DIS3L2: variants seen among roughly 807,000 people sequenced by gnomAD.
The protein encoded by DIS3L2 is DIS3 like 3'-5' exoribonuclease 2, also known as DIS3-like exonuclease 2.
In DIS3L2, 34 loss-of-function variants were observed where a neutral mutation model predicts 97.5. That is an observed-to-expected ratio of 0.35 (90% CI 0.27 to 0.46). The LOEUF (loss-of-function observed/expected upper bound fraction) is 0.46. DIS3L2 is among the 20% of genes least tolerant of loss of function. The pLI, the probability that DIS3L2 is intolerant of heterozygous loss-of-function variation, is 1.00. For synonymous variants in DIS3L2, 435 were observed against 445.2 expected, an observed-to-expected ratio of 0.98 and a Z score of 0.29; for missense variants, 1,038 against 1,146.0, an observed-to-expected ratio of 0.91 and a Z score of 1.36.
intron 9 of DIS3L2, among the ~76,000 whole-genome samples, chr2:232,205,643 G>C (rs796548497): frequency 3.3e-5 from 5 of 152,212 alleles, no homozygotes; most frequent in African/African-American, 1.2e-4. Flanking sequence ...AAAGGAACAC[G>C]TGAGTAGGAA....
At chr2:232,083,647 A>G (rs1696481959) in intron 5 of DIS3L2, among the ~76,000 whole-genome samples, 2 of 151,982 alleles carry the variant, frequency 1.3e-5, no homozygotes, top group South Asian at 4.2e-4. Flanking sequence ...CACGTGTGCC[A>G]CCACACCCAG....
At chr2:232,295,599 A>G (rs1057288961) in intron 13 of DIS3L2, among the ~76,000 whole-genome samples, 6 of 151,994 alleles carry the variant, frequency 3.9e-5, no homozygotes, top group South Asian at 4.2e-4. Flanking sequence ...ACTCCCTTCA[A>G]ACACCTTCAG....
intron 8 of DIS3L2, among the ~76,000 whole-genome samples, 190 bp downstream of exon 8, chr2:232,136,909 A>G (rs984219996): frequency 4.6e-5 from 7 of 152,208 alleles, no homozygotes; most frequent in Non-Finnish European, 1.0e-4. Flanking sequence ...ATGTTCCTTG[A>G]ATTACCAGGC....
At chr2:232,329,785 T>TCCCGGGGCCAC in intron 14 of DIS3L2, 28 bp from the exon 15 acceptor site, 1 of 967,144 alleles carries the variant, frequency 1.0e-6, no homozygotes, top group Non-Finnish European at 1.5e-6. Flanking sequence ...ACCCCAGCGG[T>TCCCGGGGCCAC]CCCTCCCATC....
chr2:232,014,851 T>C lies in DIS3L2; in HGVS notation c.-77T>C, dbSNP rs770033625. On this transcript the variant is annotated 5_prime_UTR_variant, in exon 2 of 21. Coordinates refer to ENST00000325385, the MANE Select transcript of DIS3L2 (RefSeq NM_152383.5). Reference sequence around the variant, plus strand: ...TGGTTTCAGCGAATGACAACAGAGCTGCTCAAGGCGGGAACTCTGAGCTAA... The same window carrying C: ...TGGTTTCAGCGAATGACAACAGAGCCGCTCAAGGCGGGAACTCTGAGCTAA... 1 of 1,498,268 alleles carries C rather than the reference T, an allele frequency of 6.7e-7. No individual in the cohort carries two copies. Among genetic ancestry groups the C allele is most frequent in the Non-Finnish European group, 9.2e-7 (1 of 1,084,340 alleles). The allele number at this position is 1,498,268 out of a possible 1,614,324, so 92.8% of individuals were successfully genotyped here.
At chr2:231,995,207 C>T (rs1693698293) in intron 1 of DIS3L2, among the ~76,000 whole-genome samples, 1 of 152,078 alleles carries the variant, frequency 6.6e-6, no homozygotes, top group South Asian at 2.1e-4. Flanking sequence ...ATGGCTCTTT[C>T]CTTATGTGCT....
Position 232,014,864 on chromosome 2 carries a change from A to G in DIS3L2, c.-64A>G. ...TGACAACAGAGCTGCTCAAGGCGGG[A>G]ACTCTGAGCTAAGCAGTGGAGGTTT... On this transcript the variant is annotated 5_prime_UTR_variant, in exon 2 of 21. Transcript: ENST00000325385. 2 of 1,560,176 alleles carry G rather than the reference A, an allele frequency of 1.3e-6. No individual in the cohort carries two copies. The highest frequency in any genetic ancestry group is 2.3e-5 in the South Asian group (2 of 88,378).
chr2:232,253,425 T>C (rs547604495), intron 12 of DIS3L2, among the ~76,000 whole-genome samples: 2 of 152,216 alleles, frequency 1.3e-5, no homozygotes, highest in East Asian at 1.9e-4. Flanking sequence ...TAGGGGTACA[T>C]GGACCATACC....
chr2:232,322,882 C>G (rs1695475545), intron 14 of DIS3L2, among the ~76,000 whole-genome samples: 2 of 149,786 alleles, frequency 1.3e-5, no homozygotes, highest in South Asian at 4.1e-4. Context: ...CTGCGATGGC[C>G]CAGCTGGCCT....
At position 232,015,652 on chromosome 2, in the gene DIS3L2, A is replaced by G. The variant is rs958950313; in HGVS notation, c.191A>G (p.Lys64Arg). Residue 64 changes from lysine to arginine, a missense_variant, in exon 3 of 21, where the codon AAG becomes AGG. By Grantham distance (26) the Lys-to-Arg change is conservative. Around this residue, in one of 3 missense-constraint regions of DIS3L2, gnomAD observed 813 missense variants for 880.1 expected, o/e 0.92. Transcript: ENST00000325385. ...MSKEDVSEGL[K>R]RGTLIQGVLR... is the part of the protein sequence containing the mutation. ...AAGGAGGATGTTTCAGAAGGCTTGA[A>G]GAGAGGAACACTCATCCAGGTGCTT... is the stretch of plus-strand genomic sequence containing the variant. The G allele has an allele frequency of 1.2e-6, 2 of 1,613,816 alleles. No individual in the cohort carries two copies. Among genetic ancestry groups the G allele is most frequent in the African/African-American group, 2.7e-5 (2 of 74,916 alleles).
At chr2:232,327,947 G>T (rs1695622872) in intron 14 of DIS3L2, among the ~76,000 whole-genome samples, 1 of 152,236 alleles carries the variant, frequency 6.6e-6, no homozygotes, top group Non-Finnish European at 1.5e-5. Flanking sequence ...GACAGAGGAT[G>T]GGGAGGGCTC....
chr2:232,228,449 TGAC>T (rs1012028766), intron 10 of DIS3L2, among the ~76,000 whole-genome samples: 52 of 152,322 alleles, frequency 3.4e-4, no homozygotes, highest in African/African-American at 1.2e-3. Context: ...ATAAAAGAGA[TGAC>T]GACACATGCC....
At chr2:232,338,747 G>A (rs1330777786), downstream of DIS3L2, among the ~76,000 whole-genome samples, 10 of 152,228 alleles carry the variant, frequency 6.6e-5, no homozygotes, top group Non-Finnish European at 1.0e-4. Flanking sequence ...CCGGTGCCGC[G>A]CATTCACAGG....
intron 13 of DIS3L2, among the ~76,000 whole-genome samples, chr2:232,286,652 T>C (rs1335852964): frequency 6.6e-6 from 1 of 152,220 alleles, no homozygotes; most frequent in Non-Finnish European, 1.5e-5. Flanking sequence ...GGCACTGTTA[T>C]TATCTCTTTT....
chr2:232,262,944 G>T (rs2106280543), intron 12 of DIS3L2, among the ~76,000 whole-genome samples: 1 of 152,252 alleles, frequency 6.6e-6, no homozygotes, highest in South Asian at 2.1e-4. Context: ...CCTTGCCTGT[G>T]CCACTGGTGT....
chr2:231,984,628 C>T (rs1693360178), intron 1 of DIS3L2, among the ~76,000 whole-genome samples: 1 of 151,842 alleles, frequency 6.6e-6, no homozygotes, highest in Non-Finnish European at 1.5e-5. Flanking sequence ...CTCCTGACCT[C>T]GTGATCCGCC....
intron 14 of DIS3L2, among the ~76,000 whole-genome samples, chr2:232,315,856 G>A (rs979256618): frequency 6.6e-5 from 10 of 152,342 alleles, no homozygotes; most frequent in East Asian, 1.9e-4. Flanking sequence ...AGGCCTGGCT[G>A]AGATGAACAA....
chr2:232,303,689 A>C (rs965036886), intron 14 of DIS3L2, among the ~76,000 whole-genome samples: 1 of 152,148 alleles, frequency 6.6e-6, no homozygotes, highest in Admixed American at 6.5e-5. Flanking sequence ...TGGGCACTCC[A>C]TTTTTATATT....
intron 1 of DIS3L2, among the ~76,000 whole-genome samples, chr2:231,965,093 G>T (rs1188172939): frequency 6.6e-6 from 1 of 152,148 alleles, no homozygotes; most frequent in Non-Finnish European, 1.5e-5. Context: ...CATTTTTCCT[G>T]TTTGACATCT....
Sources: allele counts gnomAD v4.1 joint callset (sites outside exome capture counted in the v4.1 genomes callset), GRCh38; gene constraint gnomAD v4.1.1; regional missense constraint gnomAD v4.1.1; transcripts MANE v1.5; gene names NCBI Gene and HGNC (gene_info 2026-07-23, HGNC 2026-07-21).